The following KIAA0232 variants were observed in gnomAD, a reference collection of about 807,000 sequenced individuals.
KIAA0232 encodes KIAA0232.
Under a neutral mutation model 122.0 loss-of-function variants are expected in KIAA0232, and 27 were observed. The ratio of observed to expected loss-of-function variants is 0.22; its 90% confidence interval spans 0.16 to 0.31. The LOEUF (loss-of-function observed/expected upper bound fraction) is 0.31. KIAA0232 is among the 10% of genes least tolerant of loss of function. The pLI, the probability that KIAA0232 is intolerant of heterozygous loss-of-function variation, is 1.00. For missense variants in KIAA0232, 1,551 were observed against 1,634.2 expected (o/e 0.95, Z 0.88); for synonymous variants, 613 against 587.6 (o/e 1.04, Z -0.63).
rs980344901 is a variant in KIAA0232, at chr4:6,848,536, A to G, written c.369+6332A>G. Among the ~76,000 whole-genome samples the G allele has an allele frequency of 2.6e-5, 4 of 152,332 alleles. No individual in the cohort carries two copies. In the East Asian group the frequency reaches 7.7e-4, roughly 29 times the overall value. On this transcript the variant is annotated intron_variant, in intron 4 of 9. Transcript: ENST00000307659. ...TTGTATTAGGTATTACATGTCATTG[A>G]GAAATAATTTAAAACATACAGGAGG...
intron 3 of KIAA0232, among the ~76,000 whole-genome samples, chr4:6,825,746 A>G (rs910724661): frequency 5.3e-5 from 8 of 152,158 alleles, no homozygotes; most frequent in African/African-American, 1.9e-4. Context: ...TCTATCTACA[A>G]ATTTCACATA....
chr4:6,821,629 T>TAC (rs1718428268), intron 2 of KIAA0232, among the ~76,000 whole-genome samples: 1 of 151,324 alleles, frequency 6.6e-6, no homozygotes. Context: ...TATATATATA[T>TAC]ACGTGTATAT....
chr4:6,803,204 CATAT>C (rs34234535), intron 1 of KIAA0232, among the ~76,000 whole-genome samples: 1,438 of 141,424 alleles, frequency 0.01, 26 homozygotes, highest in African/African-American at 0.034. Flanking sequence ...AAAATGAGTG[CATAT>C]ATATATATAT....
chr4:6,842,332 G>A, intron 4 of KIAA0232, 128 bp downstream of exon 4: 1 of 882,406 alleles, frequency 1.1e-6, no homozygotes, highest in East Asian at 2.7e-5. Context: ...CAAGTAACAT[G>A]AACATTACCA....
chr4:6,871,756 T>C, intron 8 of KIAA0232, 74 bp downstream of exon 8: 1 of 918,550 alleles, frequency 1.1e-6, no homozygotes, highest in Non-Finnish European at 1.8e-6. Flanking sequence ...TCTTTTTCTA[T>C]GAATATCAGT....
chr4:6,865,722 A>G (rs1721141198), intron 7 of KIAA0232, among the ~76,000 whole-genome samples: 1 of 152,112 alleles, frequency 6.6e-6, no homozygotes, highest in African/African-American at 2.4e-5. Context: ...TGCACATCCA[A>G]ATCCTACCCA....
At chr4:6,813,785 G>C (rs1253480840) in intron 2 of KIAA0232, among the ~76,000 whole-genome samples, 1 of 151,996 alleles carries the variant, frequency 6.6e-6, no homozygotes, top group Non-Finnish European at 1.5e-5. Flanking sequence ...TTAAGTCCCT[G>C]GGCTGGTTAT....
intron 7 of KIAA0232, chr4:6,866,077 G>A (rs1721166757): frequency 4.1e-6 from 1 of 245,234 alleles, no homozygotes; most frequent in Non-Finnish European, 6.5e-6. Flanking sequence ...TAATCCCATT[G>A]AAACACTGCT....
Position 6,883,834 on chromosome 4 carries a change from G to A in KIAA0232, c.*2868G>A, listed in dbSNP as rs1175750574. 6.6e-6 allele frequency: 1 copy of A among 152,202 alleles called. No homozygotes were observed. The allele number at this position is 152,202 out of a possible 1,614,324, so 9.4% of individuals were successfully genotyped here. A position where few individuals can be genotyped will look rare whatever the true frequency, so the allele number is the denominator to read the frequency against. On this transcript the variant is annotated 3_prime_UTR_variant, in exon 10 of 10. Coordinates refer to ENST00000307659, the MANE Select transcript of KIAA0232 (RefSeq NM_014743.3). ...ACATACACTGGTAACATCTGTGCAA[G>A]CCCCTTTCCAGGATTCTGAATGTAC...
chr4:6,866,251 C>T (rs188144576), intron 7 of KIAA0232: 2 of 982,760 alleles, frequency 2.0e-6, no homozygotes, highest in East Asian at 1.1e-4. Context: ...CTACCATATT[C>T]CTTCGCTTTC....
chr4:6,784,042 T>A (rs752761785), intron 1 of KIAA0232, among the ~76,000 whole-genome samples: 1 of 152,102 alleles, frequency 6.6e-6, no homozygotes, highest in African/African-American at 2.4e-5. Context: ...CTGTCTTGAT[T>A]TCTTTTTTGC....
At chr4:6,799,524 CA>C (rs1250554920) in intron 1 of KIAA0232, among the ~76,000 whole-genome samples, 2 of 151,826 alleles carry the variant, frequency 1.3e-5, no homozygotes, top group East Asian at 3.9e-4. Flanking sequence ...TGGGATAAAA[CA>C]AACATAAAAT....
intron 1 of KIAA0232, among the ~76,000 whole-genome samples, chr4:6,791,475 T>G (rs962789826): frequency 1.3e-5 from 2 of 151,682 alleles, no homozygotes; most frequent in African/African-American, 4.8e-5. Flanking sequence ...ACTACAGTTA[T>G]GCACCACCAC....
intron 3 of KIAA0232, among the ~76,000 whole-genome samples, chr4:6,840,777 C>G (rs189744726): frequency 4.6e-5 from 7 of 151,770 alleles, no homozygotes; most frequent in Non-Finnish European, 8.8e-5. Flanking sequence ...CTCTGCCTCC[C>G]AAAGTGCTGG....
intron 3 of KIAA0232, among the ~76,000 whole-genome samples, chr4:6,827,603 T>C (rs1452371134): frequency 2.0e-5 from 3 of 152,232 alleles, no homozygotes; most frequent in African/African-American, 7.2e-5. Context: ...CCATCACTTT[T>C]CTGTTTTAGG....
At chr4:6,788,033 C>G (rs746114094) in intron 1 of KIAA0232, among the ~76,000 whole-genome samples, 2 of 152,178 alleles carry the variant, frequency 1.3e-5, no homozygotes, top group Admixed American at 6.5e-5. Flanking sequence ...TATTGGATCT[C>G]TTCTTTTTCG....
chr4:6,864,187 T>C lies in KIAA0232; in HGVS notation c.3801+4T>C. On this transcript the variant is annotated splice_donor_region_variant and intron_variant, in intron 7 of 9. Coordinates refer to ENST00000307659, the MANE Select transcript of KIAA0232 (RefSeq NM_014743.3). ...TTCTTCGGGACAGCTGGAAGAGGTA[T>C]GTGTCTGCGTGTTGGTATTTGACAA... is the stretch of plus-strand genomic sequence containing the variant. 3 of 1,595,754 alleles carry C rather than the reference T, an allele frequency of 1.9e-6. No individual in the cohort carries two copies. The highest frequency in any genetic ancestry group is 2.3e-5 in the South Asian group (2 of 88,128).
At chr4:6,784,242 A>G (rs1460297293) in intron 1 of KIAA0232, among the ~76,000 whole-genome samples, 1 of 152,062 alleles carries the variant, frequency 6.6e-6, no homozygotes, top group Non-Finnish European at 1.5e-5. Context: ...GGGATTTTAC[A>G]TTTCTGGGTC....
At chr4:6,874,423 TG>T (rs1385440840) in intron 8 of KIAA0232, among the ~76,000 whole-genome samples, 2 of 151,972 alleles carry the variant, frequency 1.3e-5, no homozygotes. Flanking sequence ...GGGAGTGTGG[TG>T]GGGATGAGGC....
Sources: gnomAD v4.1 joint callset for allele counts (sites outside exome capture counted in the v4.1 genomes callset) on GRCh38, gnomAD v4.1.1 for gene constraint, MANE v1.5 for transcripts, NCBI Gene and HGNC (gene_info 2026-07-23, HGNC 2026-07-21) for gene names.